The following RSPH14 variants were observed in gnomAD, a reference collection of about 807,000 sequenced individuals.
RSPH14 encodes the protein rhabdoid tumor deletion region gene 1.
Under a neutral mutation model 26.7 loss-of-function variants are expected in RSPH14, and 20 were observed. The ratio of observed to expected loss-of-function variants is 0.75; its 90% CI spans 0.53 to 1.09. The LOEUF is 1.09. RSPH14 is among the 50% of genes least tolerant of loss of function. The probability of loss-of-function intolerance (pLI) is 0.00; values close to 1 mark genes in which losing one functional copy is unlikely to be tolerated. For missense variants in RSPH14, 449 were observed against 457.2 expected, an observed-to-expected ratio of 0.98 and a Z score of 0.16; for synonymous variants, 177 against 189.3, an observed-to-expected ratio of 0.93 and a Z score of 0.53.
In RSPH14 at chr22:23,096,349, C is replaced by T. The variant is rs2230332; in HGVS notation, c.422-32216G>A. 1,677 of 1,613,502 alleles carry T rather than the reference C, an allele frequency of 1.0e-3. 9 individuals carry two copies. The African/African-American group carries it at 0.02, about 19-fold the overall frequency. Reference sequence around the variant, plus strand: ...AAAAGTGGATCCACTGCTTCGAGGGCGTCACAGCCATCATCTTCTGTGTGG... The same window carrying T: ...AAAAGTGGATCCACTGCTTCGAGGGTGTCACAGCCATCATCTTCTGTGTGG... On this transcript the variant is annotated intron_variant, in intron 4 of 6. Coordinates refer to ENST00000216036, the MANE Select transcript of RSPH14 (RefSeq NM_014433.3).
intron 4 of RSPH14, among the ~76,000 whole-genome samples, chr22:23,111,421 G>A (rs1430711122): frequency 6.6e-6 from 1 of 152,210 alleles, no homozygotes; most frequent in Non-Finnish European, 1.5e-5. Flanking sequence ...CAAGTGCTTG[G>A]GACAGGGCCC....
the RSPH14 span, chr22:23,162,051 G>T: frequency 5.9e-6 from 1 of 169,238 alleles, no homozygotes. Context: ...GAGGCCACCT[G>T]CCATTCCCCC....
chr22:23,147,712 C>T (rs1449790951), upstream of RSPH14, among the ~76,000 whole-genome samples: 1 of 152,110 alleles, frequency 6.6e-6, no homozygotes, highest in Non-Finnish European at 1.5e-5. Context: ...GGGGTTGGAG[C>T]AGTTTGTAAG....
At chr22:23,159,128 C>CGGG in the RSPH14 span, 1 of 1,601,324 alleles carries the variant, frequency 6.2e-7, no homozygotes, top group East Asian at 2.2e-5. Context: ...GCAGGAGAGC[C>CGGG]GGGACGCTGG....
intron 4 of RSPH14, among the ~76,000 whole-genome samples, chr22:23,075,591 G>A (rs1040367853): frequency 2.0e-5 from 3 of 152,150 alleles, no homozygotes; most frequent in Non-Finnish European, 4.4e-5. Flanking sequence ...TTTTAGAGAC[G>A]TCCCTGGAGA....
the RSPH14 span, chr22:23,163,154 G>A: frequency 6.0e-6 from 1 of 167,932 alleles, no homozygotes; most frequent in Non-Finnish European, 1.3e-5. Flanking sequence ...CAGGTGACCT[G>A]CCCACCTCGG....
chr22:23,150,910 A>C, the RSPH14 span, among the ~76,000 whole-genome samples: 1 of 152,066 alleles, frequency 6.6e-6, no homozygotes, highest in East Asian at 1.9e-4. Context: ...TGGATTCCTC[A>C]CTAGACCTAG....
At chr22:23,095,311 G>T (rs982999771) in intron 4 of RSPH14, 18 of 242,762 alleles carry the variant, frequency 7.4e-5, no homozygotes, top group Non-Finnish European at 1.3e-4. Context: ...CCAGCGACCG[G>T]CCCTCCAACC....
intron 4 of RSPH14, among the ~76,000 whole-genome samples, chr22:23,091,510 A>ATGCACACACACCGCAATAGACC (rs2068975526): frequency 6.6e-6 from 1 of 151,960 alleles, no homozygotes; most frequent in Admixed American, 6.5e-5. Flanking sequence ...CTATGCATAC[A>ATGCACACACACCGCAATAGACC]TGCACACACA....
intron 4 of RSPH14, among the ~76,000 whole-genome samples, chr22:23,120,813 A>G (rs922239602): frequency 1.3e-5 from 2 of 152,014 alleles, no homozygotes; most frequent in African/African-American, 4.8e-5. Context: ...AAGCTCCATC[A>G]CCTGGCATGA....
intron 4 of RSPH14, chr22:23,096,170 G>A (rs377139627): frequency 1.6e-4 from 257 of 1,613,040 alleles, no homozygotes; most frequent in Non-Finnish European, 2.1e-4. Flanking sequence ...CTACCTGAAC[G>A]ACCTGGAGCG....
chr22:23,095,764 G>T (rs372925670), intron 4 of RSPH14: 276 of 1,612,924 alleles, frequency 1.7e-4, no homozygotes, highest in Non-Finnish European at 2.3e-4. Context: ...ACCGCCACCT[G>T]CGCTCAGAGA....
At chr22:23,164,126 A>G in the RSPH14 span, 1 of 152,202 alleles carries the variant, frequency 6.6e-6, no homozygotes, top group Non-Finnish European at 1.5e-5. Flanking sequence ...CATTAGGAAG[A>G]CCAGGTTTGC....
At chr22:23,174,771 C>A in the RSPH14 span, among the ~76,000 whole-genome samples, 2 of 151,350 alleles carry the variant, frequency 1.3e-5, no homozygotes, top group East Asian at 2.0e-4. Flanking sequence ...GAGTTCGCAA[C>A]CAGCCTGACC....
chr22:23,150,021 A>G (rs1317137299), upstream of RSPH14: 3 of 1,498,680 alleles, frequency 2.0e-6, no homozygotes, highest in South Asian at 3.6e-5. Context: ...GCGGAGCCAC[A>G]GCTTTGCAGG....
At chr22:23,140,535 TC>T (rs1301444851) in intron 1 of RSPH14, 63 bp from the exon 2 acceptor site, 7 of 1,467,996 alleles carry the variant, frequency 4.8e-6, no homozygotes, top group Non-Finnish European at 6.3e-6. Context: ...TCTCATCTGA[TC>T]CTCCAAACTG....
intron 2 of RSPH14, among the ~76,000 whole-genome samples, chr22:23,139,260 C>A (rs948743257): frequency 6.6e-6 from 1 of 152,252 alleles, no homozygotes; most frequent in Non-Finnish European, 1.5e-5. Context: ...CAAATTATAA[C>A]CCTGTGTCAA....
the RSPH14 span, among the ~76,000 whole-genome samples, chr22:23,173,622 G>GTTTTT: frequency 5.3e-5 from 6 of 112,318 alleles, 1 homozygote; most frequent in African/African-American, 1.4e-4. Flanking sequence ...TTTATTTTTG[G>GTTTTT]TTTTTTGTTT....
intron 4 of RSPH14, chr22:23,131,559 T>G: frequency 1.6e-6 from 2 of 1,257,086 alleles, no homozygotes; most frequent in Non-Finnish European, 1.1e-6. Flanking sequence ...ATCTCTGTAC[T>G]TCTCTGAATG....
Sources: gnomAD v4.1 joint callset for allele counts (sites outside exome capture counted in the v4.1 genomes callset) on GRCh38, gnomAD v4.1.1 for gene constraint, MANE v1.5 for transcripts, NCBI Gene and HGNC (gene_info 2026-07-23, HGNC 2026-07-21) for gene names.